TRIM66: variants seen among roughly 807,000 people sequenced by gnomAD.
TRIM66 encodes the protein tripartite motif containing 66, also known as tripartite motif-containing protein 66.
Under a neutral mutation model 148.2 loss-of-function variants are expected in TRIM66, and 99 were observed. The observed-to-expected ratio is 0.67, with a 90% CI of 0.57 to 0.79. The LOEUF (loss-of-function observed/expected upper bound fraction) is 0.79, where lower values mean the gene tolerates loss of function less well. TRIM66 is among the 30% of genes least tolerant of loss of function. The pLI is 0.00. For missense variants in TRIM66, 1,666 were observed against 1,697.9 expected, an observed-to-expected ratio of 0.98 and a Z score of 0.33; for synonymous variants, 616 against 635.9, an observed-to-expected ratio of 0.97 and a Z score of 0.47.
At chr11:8,669,971 G>C (rs921378690) in intron 6 of TRIM66, among the ~76,000 whole-genome samples, 18 of 151,638 alleles carry the variant, frequency 1.2e-4, no homozygotes, top group Admixed American at 2.6e-4. Context: ...AATAATCACA[G>C]TACCTGATGG....
intron 6 of TRIM66, among the ~76,000 whole-genome samples, chr11:8,666,217 T>C (rs754809191): frequency 1.3e-4 from 19 of 151,572 alleles, no homozygotes; most frequent in Non-Finnish European, 2.8e-4. Flanking sequence ...TGGGCACCTG[T>C]AATTCTAGCT....
chr11:8,682,927 G>A (rs963687557), upstream of TRIM66: 4 of 1,398,850 alleles, frequency 2.9e-6, no homozygotes, highest in East Asian at 2.3e-5. Flanking sequence ...TCCAGGCTGC[G>A]CATGGCCGCC....
rs996091554 is a variant in TRIM66 at position 8,625,088 on chromosome 11, G to C, written c.2451C>G (p.Ser817Arg). 6.4e-7 allele frequency: 1 copy of C among 1,551,744 alleles called. No individual in the cohort carries two copies. The highest frequency in any genetic ancestry group is 1.2e-5 in the South Asian group (1 of 84,062). Residue 817 changes from serine (S) to arginine (R), a missense_variant, in exon 16 of 25, where the codon AGC becomes AGG. Transcript: ENST00000646038. ...LTAGAPQAVP[S>R]LLSAPPKMVS... ...CCATTTTGGGGGGAGCACTCAGCAGGCTTGGTACTGCCTGGGGGGCACCAG... is the reference window on the plus strand; with the variant it reads ...CCATTTTGGGGGGAGCACTCAGCAGCCTTGGTACTGCCTGGGGGGCACCAG...
intron 4 of TRIM66, 135 bp from the exon 5 acceptor site, chr11:8,672,520 A>C: frequency 9.8e-7 from 1 of 1,019,812 alleles, no homozygotes; most frequent in South Asian, 1.8e-5. Context: ...AGGCTGAGGA[A>C]ACAGTGTTAG....
In TRIM66 at chr11:8,624,527, A is replaced by G; in HGVS notation, c.2851T>C (p.Phe951Leu). ...CKMESEDSTR[F>L]TDLLGQGPIV... Reference sequence around the variant, plus strand: ...GGACCTTGTCCCAGTAAGTCAGTGAAGCGAGTGGAATCCTCACTTTCCATC... The same window carrying G: ...GGACCTTGTCCCAGTAAGTCAGTGAGGCGAGTGGAATCCTCACTTTCCATC... The change falls in exon 17 of 25, where the codon TTC (phenylalanine) becomes CTC (leucine). Residue 951 changes from phenylalanine to leucine, a missense_variant. Around this residue, in one of 3 missense-constraint regions of TRIM66, gnomAD observed 1,431 missense variants for 1,412.4 expected, o/e 1.01. Transcript: ENST00000646038. 2 of 1,532,050 alleles carry G rather than the reference A, an allele frequency of 1.3e-6. No homozygotes were observed. The highest frequency in any genetic ancestry group is 8.8e-7 in the Non-Finnish European group (1 of 1,141,096). The allele number at this position is 1,532,050 out of a possible 1,614,324, so 94.9% of individuals were successfully genotyped here. A position where few individuals can be genotyped will look rare whatever the true frequency, so the allele number is the denominator to read the frequency against.
At chr11:8,652,407 C>T (rs781699884) in intron 6 of TRIM66, among the ~76,000 whole-genome samples, 3 of 152,042 alleles carry the variant, frequency 2.0e-5, no homozygotes, top group South Asian at 2.1e-4. Flanking sequence ...CCTCCCTGCC[C>T]GCTCATCTAG....
At chr11:8,677,237 CTG>C (rs2039218267) in intron 3 of TRIM66, among the ~76,000 whole-genome samples, 1 of 152,044 alleles carries the variant, frequency 6.6e-6, no homozygotes, top group African/African-American at 2.4e-5. Context: ...CTTTGCTAGG[CTG>C]TGTTATATGT....
intron 13 of TRIM66, among the ~76,000 whole-genome samples, chr11:8,642,237 T>C (rs1224547450): frequency 1.3e-5 from 2 of 152,196 alleles, no homozygotes; most frequent in Non-Finnish European, 2.9e-5. Flanking sequence ...CATTGGTTCT[T>C]TGGTGCTCAG....
At chr11:8,620,680 C>T in intron 20 of TRIM66, 108 bp from the exon 21 acceptor site, 7 of 1,447,646 alleles carry the variant, frequency 4.8e-6, no homozygotes, top group East Asian at 5.0e-5. Context: ...CCGGCTTTGC[C>T]GTGTAAGAAA....
intron 12 of TRIM66, chr11:8,644,503 T>C: frequency 2.3e-6 from 1 of 438,926 alleles, no homozygotes. Context: ...CCCTCAAACT[T>C]AACTACAGCA....
intron 6 of TRIM66, among the ~76,000 whole-genome samples, chr11:8,667,671 C>T (rs890304550): frequency 2.0e-5 from 3 of 152,202 alleles, no homozygotes; most frequent in African/African-American, 7.2e-5. Flanking sequence ...AGTACTTGCC[C>T]TGTTATGACA....
intron 6 of TRIM66, among the ~76,000 whole-genome samples, chr11:8,653,727 C>A (rs1295095844): frequency 1.3e-5 from 2 of 151,500 alleles, no homozygotes; most frequent in African/African-American, 4.9e-5. Context: ...TGATACATCC[C>A]AGGAAAATAG....
intron 17 of TRIM66, 31 bp from the exon 18 acceptor site, chr11:8,622,907 C>T: frequency 6.5e-7 from 1 of 1,546,944 alleles, no homozygotes; most frequent in South Asian, 1.2e-5. Context: ...ATACCTGTGA[C>T]ACACATTTGT....
intron 6 of TRIM66, among the ~76,000 whole-genome samples, chr11:8,653,437 T>C (rs145859471): frequency 5.7e-4 from 87 of 152,310 alleles, no homozygotes; most frequent in African/African-American, 2.0e-3. Context: ...TAACCTGGCA[T>C]TGAGACTGCT....
intron 6 of TRIM66, among the ~76,000 whole-genome samples, chr11:8,669,417 G>T (rs931339653): frequency 9.2e-5 from 14 of 152,182 alleles, no homozygotes; most frequent in Non-Finnish European, 2.9e-5. Context: ...GCCGAGGCAG[G>T]CAGGTCACTT....
Position 8,653,301 on chromosome 11 carries a change from C to T in TRIM66, c.341-1398G>A, listed in dbSNP as rs182426110. Among the ~76,000 whole-genome samples, 17 of 152,336 alleles carry T rather than the reference C, an allele frequency of 1.1e-4. No homozygotes were observed. The East Asian group carries it at 3.3e-3, about 29-fold the overall frequency. On this transcript the variant is annotated intron_variant, in intron 6 of 24. Transcript: ENST00000646038. ...ACCCTTTGCCCTTTGAATCTAAGCT[C>T]ACCTTGTGACTTTCTTTGGCCAACA... is the stretch of plus-strand genomic sequence containing the variant.
intron 1 of TRIM66, among the ~76,000 whole-genome samples, chr11:8,681,243 C>T (rs572895128): frequency 2.5e-4 from 38 of 151,982 alleles, no homozygotes; most frequent in Admixed American, 2.2e-3. Flanking sequence ...ACGCCATTCT[C>T]CTGCCTCAGC....
chr11:8,659,940 T>C (rs1329204223), intron 6 of TRIM66, among the ~76,000 whole-genome samples: 2 of 152,184 alleles, frequency 1.3e-5, no homozygotes, highest in Non-Finnish European at 2.9e-5. Flanking sequence ...TGTGGTGGCA[T>C]GATCATGGCT....
At chr11:8,639,756 C>T (rs1025836181) in intron 14 of TRIM66, among the ~76,000 whole-genome samples, 1 of 152,180 alleles carries the variant, frequency 6.6e-6, no homozygotes, top group African/African-American at 2.4e-5. Flanking sequence ...TATATCTGTG[C>T]AGTATTATAA....
Sources: allele counts gnomAD v4.1 joint callset (sites outside exome capture counted in the v4.1 genomes callset), GRCh38; gene constraint gnomAD v4.1.1; regional missense constraint gnomAD v4.1.1; transcripts MANE v1.5; gene names NCBI Gene and HGNC (gene_info 2026-07-23, HGNC 2026-07-21).